CSMD1: variants seen among roughly 807,000 people sequenced by gnomAD.
CSMD1 encodes CUB and Sushi multiple domains 1.
Under a neutral mutation model 417.5 loss-of-function variants are expected in CSMD1, and 213 were observed. That is an observed-to-expected ratio of 0.51 (90% CI 0.46 to 0.57). The LOEUF (loss-of-function observed/expected upper bound fraction) is 0.57. Ranked by LOEUF, CSMD1 falls within the 20% of genes least tolerant of loss-of-function variation. The pLI is 0.00. For missense variants in CSMD1, 6,923 were observed against 4,529.7 expected (o/e 1.53, Z -15.17); for synonymous variants, 2,862 against 1,736.8 (o/e 1.65, Z -16.11).
At chr8:3,818,732 T>C (rs1314022445) in intron 5 of CSMD1, among the ~76,000 whole-genome samples, 1 of 152,136 alleles carries the variant, frequency 6.6e-6, no homozygotes, top group Non-Finnish European at 1.5e-5. Context: ...ACCAGAGGAA[T>C]TTGATCAAGA....
At chr8:4,359,235 C>G (rs572410527) in intron 3 of CSMD1, among the ~76,000 whole-genome samples, 3 of 152,216 alleles carry the variant, frequency 2.0e-5, no homozygotes, top group South Asian at 4.1e-4. Context: ...GGGTGTCCCT[C>G]CTTCTGAGAT....
chr8:4,421,256 C>CA (rs1383023622), intron 2 of CSMD1, among the ~76,000 whole-genome samples: 7 of 152,048 alleles, frequency 4.6e-5, no homozygotes, highest in African/African-American at 1.2e-4. Flanking sequence ...AAACAAAAAA[C>CA]AAAAAACAGT....
rs1043252181 is a variant in CSMD1 at position 4,063,001 on chromosome 8, T to C, written c.416-30902A>G. On this transcript the variant is annotated intron_variant, in intron 3 of 69. Transcript: ENST00000635120. ...AGGAAATAGGTAATCCAGACACTTA[T>C]TAAGAGATACTGTTAGTTACATAAT... 1.2e-4 allele frequency among the ~76,000 whole-genome samples: 18 copies of C among 152,182 alleles called. No individual in the cohort carries two copies. The South Asian group carries it at 1.2e-3, about 11-fold the overall frequency.
intron 1 of CSMD1, among the ~76,000 whole-genome samples, chr8:4,768,329 C>A (rs1463456282): frequency 6.6e-6 from 1 of 152,046 alleles, no homozygotes; most frequent in Non-Finnish European, 1.5e-5. Context: ...ATGATCGTAA[C>A]ATGAGCCGGT....
intron 5 of CSMD1, among the ~76,000 whole-genome samples, chr8:3,882,079 A>G (rs1806242313): frequency 6.6e-6 from 1 of 152,238 alleles, no homozygotes; most frequent in Admixed American, 6.5e-5. Context: ...GTCTAAACAT[A>G]TTAAATTTAA....
In CSMD1 at chr8:3,444,304, C is replaced by A. The variant is rs113406462; in HGVS notation, c.1561+24408G>T. ...TCCCACTGGATGGCAAAGAAGCTATCATCGACTCAGGAGTCAAGAACACAC... is the reference window on the plus strand; with the variant it reads ...TCCCACTGGATGGCAAAGAAGCTATAATCGACTCAGGAGTCAAGAACACAC... On this transcript the variant is annotated intron_variant, in intron 12 of 69. Transcript: ENST00000635120. Among the ~76,000 whole-genome samples the A allele has an allele frequency of 1.6e-4, 25 of 152,288 alleles. 1 individual carries two copies. The highest frequency in any genetic ancestry group is 6.0e-4 in the African/African-American group (25 of 41,580).
chr8:4,724,867 T>C (rs1809321328), intron 1 of CSMD1, among the ~76,000 whole-genome samples: 1 of 152,096 alleles, frequency 6.6e-6, no homozygotes, highest in Non-Finnish European at 1.5e-5. Context: ...GAAGTATACT[T>C]CACTATTAAA....
chr8:4,024,019 G>T (rs528966655), intron 4 of CSMD1, among the ~76,000 whole-genome samples: 10 of 152,048 alleles, frequency 6.6e-5, no homozygotes, highest in African/African-American at 1.4e-4. Context: ...CACTGCAAAG[G>T]TTCTATTGCA....
intron 26 of CSMD1, chr8:3,278,568 A>G (rs901097154): frequency 4.6e-5 from 7 of 152,212 alleles, no homozygotes; most frequent in African/African-American, 1.7e-4. Flanking sequence ...AATTTTTAAA[A>G]TCATAACTAA....
At chr8:3,563,441 G>A in intron 10 of CSMD1, among the ~76,000 whole-genome samples, 11 of 62,176 alleles carry the variant, frequency 1.8e-4, no homozygotes, top group Admixed American at 3.5e-4. Flanking sequence ...GTATTAAAAG[G>A]TAAAAAAAAA....
intron 1 of CSMD1, among the ~76,000 whole-genome samples, chr8:4,786,967 G>T (rs1016950286): frequency 1.3e-5 from 2 of 152,168 alleles, no homozygotes; most frequent in African/African-American, 4.8e-5. Context: ...AGGCAATATT[G>T]TTGGTATACT....
intron 1 of CSMD1, among the ~76,000 whole-genome samples, chr8:4,800,019 ACAGT>A (rs1798191497): frequency 6.6e-6 from 1 of 152,216 alleles, no homozygotes; most frequent in Non-Finnish European, 1.5e-5. Flanking sequence ...CAATCAAAAT[ACAGT>A]AATTATGTTA....
intron 1 of CSMD1, among the ~76,000 whole-genome samples, chr8:4,693,637 G>T (rs546016123): frequency 6.6e-6 from 1 of 152,146 alleles, no homozygotes; most frequent in South Asian, 2.1e-4. Context: ...TTTTCAAATG[G>T]GTGATCTTTC....
chr8:3,825,855 C>T (rs182019849), intron 5 of CSMD1, among the ~76,000 whole-genome samples: 6 of 152,184 alleles, frequency 3.9e-5, no homozygotes, highest in South Asian at 2.1e-4. Flanking sequence ...CATATAGAGA[C>T]GCATTGTACA....
intron 41 of CSMD1, among the ~76,000 whole-genome samples, chr8:3,129,562 G>A (rs1292552058): frequency 6.6e-6 from 1 of 152,068 alleles, no homozygotes; most frequent in Non-Finnish European, 1.5e-5. Context: ...ATCACTTGAG[G>A]TCAGGAGTTC....
At chr8:4,373,485 C>A (rs1244798503) in intron 3 of CSMD1, among the ~76,000 whole-genome samples, 2 of 152,122 alleles carry the variant, frequency 1.3e-5, no homozygotes, top group Non-Finnish European at 2.9e-5. Flanking sequence ...CTAAAACTGT[C>A]CTAAAAAAGT....
At chr8:3,149,916 T>C (rs1464404662) in intron 40 of CSMD1, among the ~76,000 whole-genome samples, 2 of 152,154 alleles carry the variant, frequency 1.3e-5, no homozygotes. Context: ...CTATAATAAT[T>C]TGACCAACAA....
intron 3 of CSMD1, among the ~76,000 whole-genome samples, chr8:4,053,837 T>C (rs77308825): frequency 0.11 from 17,279 of 152,212 alleles, 1,507 homozygotes; most frequent in East Asian, 0.35. Flanking sequence ...CAGTAGCTTT[T>C]ACTAGTAGGT....
chr8:3,767,699 C>T (rs1563058938), intron 5 of CSMD1, among the ~76,000 whole-genome samples: 1 of 152,090 alleles, frequency 6.6e-6, no homozygotes, highest in Non-Finnish European at 1.5e-5. Flanking sequence ...GTATATTATA[C>T]AGTGTATGTC....
Sources: allele counts gnomAD v4.1 joint callset (sites outside exome capture counted in the v4.1 genomes callset), GRCh38; gene constraint gnomAD v4.1.1; transcripts MANE v1.5; gene names NCBI Gene and HGNC (gene_info 2026-07-23, HGNC 2026-07-21).